Variants in AFAP1L1 observed in about 807,000 individuals in gnomAD.
The protein encoded by AFAP1L1 is actin filament associated protein 1 like 1, also known as actin filament-associated protein 1-like 1.
AFAP1L1 carries 77 observed loss-of-function variants against 99.8 expected under a neutral mutation model. The ratio of observed to expected loss-of-function variants is 0.77; its 90% CI spans 0.64 to 0.93. AFAP1L1 has a LOEUF of 0.93. Among genes scored for constraint, AFAP1L1 ranks in the 40% least tolerant of loss-of-function variants. The probability of loss-of-function intolerance (pLI) is 0.00; values close to 1 mark genes in which losing one functional copy is unlikely to be tolerated. For synonymous variants in AFAP1L1, 373 were observed against 395.3 expected, an observed-to-expected ratio of 0.94 and a Z score of 0.67; for missense variants, 893 against 996.8, an observed-to-expected ratio of 0.90 and a Z score of 1.40.
intron 1 of AFAP1L1, among the ~76,000 whole-genome samples, chr5:149,272,895 G>A (rs1180024990): frequency 6.6e-6 from 1 of 152,050 alleles, no homozygotes; most frequent in Non-Finnish European, 1.5e-5. Flanking sequence ...CAGAGACGGG[G>A]TTTCACCATA....
intron 1 of AFAP1L1, among the ~76,000 whole-genome samples, chr5:149,274,799 C>A (rs1368353376): frequency 1.3e-5 from 2 of 151,028 alleles, no homozygotes; most frequent in Non-Finnish European, 2.9e-5. Context: ...GAGGAGGCAT[C>A]GCTTGAACCT....
In AFAP1L1 at chr5:149,300,341, CTT is replaced by C; in HGVS notation, c.218_219del (p.Phe73Ter). On this transcript the variant is annotated frameshift_variant, in exon 3 of 19. Transcript: ENST00000296721. LOFTEE classifies it high-confidence loss of function. Reference sequence around the variant, plus strand: ...CGGGGCCCAGCTTCGTGGAATCCCTCTTTGAAGAATTTGGTAAGTGACCCTCT... The same window carrying C: ...CGGGGCCCAGCTTCGTGGAATCCCTCTGAAGAATTTGGTAAGTGACCCTCT... ...HSGPSFVESL[F>X]EEFDCDLSDL... The C allele has an allele frequency of 6.2e-7, 1 of 1,613,074 alleles. No individual in the cohort carries two copies. The highest frequency in any genetic ancestry group is 8.5e-7 in the Non-Finnish European group (1 of 1,179,500).
chr5:149,305,520 C>T (rs1223897271), intron 5 of AFAP1L1, among the ~76,000 whole-genome samples: 1 of 152,172 alleles, frequency 6.6e-6, no homozygotes, highest in Admixed American at 6.5e-5. Context: ...CTCCAATGAA[C>T]CAGAATCTCT....
intron 17 of AFAP1L1, among the ~76,000 whole-genome samples, chr5:149,334,805 AG>A (rs1279853895): frequency 6.6e-6 from 1 of 151,986 alleles, no homozygotes; most frequent in Non-Finnish European, 1.5e-5. Context: ...GCTACTCCGG[AG>A]GCTGAGGCAA....
At chr5:149,334,522 A>G (rs1185252452) in intron 17 of AFAP1L1, among the ~76,000 whole-genome samples, 1 of 152,232 alleles carries the variant, frequency 6.6e-6, no homozygotes, top group African/African-American at 2.4e-5. Flanking sequence ...AAGGAGCTAC[A>G]TCTAGTAAGA....
intron 9 of AFAP1L1, 53 bp downstream of exon 9, chr5:149,312,257 C>G: frequency 6.4e-7 from 1 of 1,556,200 alleles, no homozygotes; most frequent in Non-Finnish European, 8.9e-7. Context: ...CCACTCAACA[C>G]GGGCTCAACC....
chr5:149,296,945 A>G (rs1442207657), intron 1 of AFAP1L1, among the ~76,000 whole-genome samples: 1 of 152,140 alleles, frequency 6.6e-6, no homozygotes, highest in Non-Finnish European at 1.5e-5. Context: ...AGCCCCTTAT[A>G]AAACCATCAG....
At position 149,340,984 on chromosome 5, in the gene AFAP1L1, T is replaced by C. The variant is rs1757547660; in HGVS notation, c.*954T>C. 3 of 152,242 alleles carry C rather than the reference T, an allele frequency of 2.0e-5. No homozygotes were observed. The highest frequency in any genetic ancestry group is 2.0e-4 in the Admixed American group (3 of 15,282). 9.4% of individuals were successfully genotyped at this position (152,242 alleles called of 1,614,324 possible). A position where few individuals can be genotyped will look rare whatever the true frequency, so the allele number is the denominator to read the frequency against. The stretch of plus-strand genomic sequence containing the variant: ...GAAATTAAGAGGATGATGGCTTCTT[T>C]CTGTCACATGGGTGCTAAACCTTTT... On this transcript the variant is annotated 3_prime_UTR_variant, in exon 19 of 19. Coordinates refer to ENST00000296721, the MANE Select transcript of AFAP1L1 (RefSeq NM_152406.4).
chr5:149,337,162 G>A (rs1177141091), intron 18 of AFAP1L1, among the ~76,000 whole-genome samples: 1 of 152,114 alleles, frequency 6.6e-6, no homozygotes, highest in African/African-American at 2.4e-5. Context: ...GGGGGAACTG[G>A]GGAGATGTTG....
At chr5:149,311,960 C>G in intron 8 of AFAP1L1, 152 bp from the exon 9 acceptor site, 2 of 673,100 alleles carry the variant, frequency 3.0e-6, no homozygotes, top group Non-Finnish European at 5.2e-6. Context: ...ACCCATGTGC[C>G]CCACACATAT....
intron 1 of AFAP1L1, among the ~76,000 whole-genome samples, chr5:149,297,691 G>C (rs1301582513): frequency 6.6e-6 from 1 of 152,058 alleles, no homozygotes; most frequent in Non-Finnish European, 1.5e-5. Context: ...TTAAAAGAAG[G>C]TCCTAGTGTG....
chr5:149,320,562 C>G lies in AFAP1L1; in HGVS notation c.1698+99C>G. The G allele has an allele frequency of 1.7e-6, 2 of 1,149,616 alleles. No individual in the cohort carries two copies. The highest frequency in any genetic ancestry group is 3.8e-5 in the Admixed American group (2 of 52,568). 71.2% of individuals were successfully genotyped at this position (1,149,616 alleles called of 1,614,324 possible). On this transcript the variant is annotated intron_variant, in intron 14 of 18. Transcript: ENST00000296721. The surrounding 1 kb of genome is among the most constrained non-coding windows in gnomAD (Gnocchi z 4.0). ...CCTTCTGCCTCAGAAAGATCATTTT[C>G]ATTTAAGCAGCAGTAGCTAGAAGGG... is the stretch of plus-strand genomic sequence containing the variant.
At chr5:149,322,521 C>T in intron 14 of AFAP1L1, 85 bp from the exon 15 acceptor site, 1 of 903,236 alleles carries the variant, frequency 1.1e-6, no homozygotes, top group Non-Finnish European at 1.7e-6. Flanking sequence ...AAGAAGACTC[C>T]ATACTGAGCA....
chr5:149,278,448 T>G (rs939380653), intron 1 of AFAP1L1, among the ~76,000 whole-genome samples: 3 of 152,160 alleles, frequency 2.0e-5, no homozygotes, highest in Non-Finnish European at 2.9e-5. Flanking sequence ...GAGCCTCTAC[T>G]CCTTTCTGAT....
At chr5:149,307,341 G>A (rs1756448412) in intron 6 of AFAP1L1, 61 bp from the exon 7 acceptor site, 1 of 1,558,344 alleles carries the variant, frequency 6.4e-7, no homozygotes, top group Non-Finnish European at 8.8e-7. Context: ...CGCTGCAGAG[G>A]GGTGAGAAGG....
intron 15 of AFAP1L1, among the ~76,000 whole-genome samples, chr5:149,327,373 TG>T (rs1362911248): frequency 6.6e-6 from 1 of 152,150 alleles, no homozygotes; most frequent in Non-Finnish European, 1.5e-5. Context: ...TATTTCTCAT[TG>T]TTCTAGAGAA....
intron 5 of AFAP1L1, among the ~76,000 whole-genome samples, chr5:149,303,602 G>A (rs1756301458): frequency 1.3e-5 from 2 of 152,036 alleles, no homozygotes; most frequent in Admixed American, 6.6e-5. Context: ...AAGACAGATC[G>A]GTTTTATTAT....
Position 149,329,776 on chromosome 5 carries a change from A to G in AFAP1L1, c.1921A>G (p.Ile641Val). The change falls in exon 16 of 19, where the codon ATA (isoleucine) becomes GTA (valine). Residue 641 changes from isoleucine (I) to valine (V), a missense_variant. Ile to Val is a conservative substitution (Grantham distance 29). Transcript: ENST00000296721. ...GAAAGAGACGATTCGGACAGAGCTGATAGCACTGAGACAGGAGAAGAGGGA... is the reference window on the plus strand; with the variant it reads ...GAAAGAGACGATTCGGACAGAGCTGGTAGCACTGAGACAGGAGAAGAGGGA... ...KEKETIRTEL[I>V]ALRQEKRELK... 6.2e-7 allele frequency: 1 copy of G among 1,613,884 alleles called. No homozygotes were observed. The highest frequency in any genetic ancestry group is 8.5e-7 in the Non-Finnish European group (1 of 1,179,904).
chr5:149,296,388 C>T (rs182010756), intron 1 of AFAP1L1, among the ~76,000 whole-genome samples: 3 of 152,244 alleles, frequency 2.0e-5, no homozygotes, highest in South Asian at 2.1e-4. Context: ...TCAGAATAAC[C>T]GGTATAGGGA....
Sources: gnomAD v4.1 joint callset for allele counts (sites outside exome capture counted in the v4.1 genomes callset) on GRCh38, gnomAD v4.1.1 for gene constraint, Gnocchi (gnomAD v3.1) non-coding constraint, MANE v1.5 for transcripts, NCBI Gene and HGNC (gene_info 2026-07-23, HGNC 2026-07-21) for gene names.